PKNOX1: variants seen among roughly 807,000 people sequenced by gnomAD.
The protein encoded by PKNOX1 is PBX/knotted 1 homeobox 1.
A neutral mutation model predicts 51.9 loss-of-function variants in PKNOX1; 15 were observed. The ratio of observed to expected loss-of-function variants is 0.29; its 90% CI spans 0.19 to 0.45. The LOEUF is 0.45. Among genes scored for constraint, PKNOX1 ranks in the 20% least tolerant of loss-of-function variants. PKNOX1 has a pLI of 1.00. For synonymous variants in PKNOX1, 219 were observed against 211.1 expected (o/e 1.04, Z -0.32); for missense variants, 462 against 547.5 (o/e 0.84, Z 1.56).
intron 5 of PKNOX1, among the ~76,000 whole-genome samples, chr21:43,015,306 G>A (rs1979443064): frequency 6.6e-6 from 1 of 152,126 alleles, no homozygotes; most frequent in Admixed American, 6.5e-5. Flanking sequence ...GTTCAATTTT[G>A]TTAAATGCTT....
intron 2 of PKNOX1, among the ~76,000 whole-genome samples, chr21:43,006,646 G>A (rs562898355): frequency 2.6e-5 from 4 of 152,294 alleles, no homozygotes; most frequent in African/African-American, 7.2e-5. Context: ...CGTCCTGTGC[G>A]GGTGGGCGTT....
intron 9 of PKNOX1, among the ~76,000 whole-genome samples, chr21:43,025,954 A>T (rs1979969210): frequency 3.3e-5 from 5 of 152,296 alleles, no homozygotes. Context: ...TATTTGCGTT[A>T]TTTCCTGTTA....
intron 1 of PKNOX1, among the ~76,000 whole-genome samples, chr21:42,978,481 CTTTTCTTTTT>C (rs2059009293): frequency 8.5e-6 from 1 of 118,038 alleles, no homozygotes; most frequent in Non-Finnish European, 1.8e-5. Context: ...TTTTTCTTTT[CTTTTCTTTTT>C]TTTTTTTTTT....
intron 1 of PKNOX1, among the ~76,000 whole-genome samples, chr21:42,987,391 AAAAAAAAAAAAAAAT>A (rs2059057619): frequency 8.7e-6 from 1 of 115,066 alleles, no homozygotes; most frequent in African/African-American, 3.9e-5. Flanking sequence ...TCAAAAAAAA[AAAAAAAAAAAAAAAT>A]ATATATATAT....
At position 43,021,859 on chromosome 21, in the gene PKNOX1, G is replaced by A. The variant is rs566521061; in HGVS notation, c.849+428G>A. ...GTGGGCCACCGGGTGGGTGCCTTTAGCTGGAAGCGAGTTTGTCCCACAGGG... is the reference window on the plus strand; with the variant it reads ...GTGGGCCACCGGGTGGGTGCCTTTAACTGGAAGCGAGTTTGTCCCACAGGG... On this transcript the variant is annotated intron_variant, in intron 8 of 10. Transcript: ENST00000291547. The surrounding 1 kb of genome is among the most constrained non-coding windows in gnomAD (Gnocchi z 4.6). Among the ~76,000 whole-genome samples, 241 of 152,338 alleles carry A rather than the reference G, an allele frequency of 1.6e-3. 1 individual carries two copies. The Middle Eastern group carries it at 0.027, about 17-fold the overall frequency.
chr21:42,986,021 A>ATTTT lies in PKNOX1; in HGVS notation c.-57+11357_-57+11358insTTTT, dbSNP rs1299565128. Among the ~76,000 whole-genome samples, 428 of 136,440 alleles carry ATTTT rather than the reference A, an allele frequency of 3.1e-3. 1 individual carries two copies. Among genetic ancestry groups the ATTTT allele is most frequent in the East Asian group, 0.028 (128 of 4,618 alleles). 89.5% of individuals were successfully genotyped at this position (136,440 alleles called of 152,430 possible). A position where few individuals can be genotyped will look rare whatever the true frequency, so the allele number is the denominator to read the frequency against. ...GTCTCAGAAAAAAAAAAAAAAATTA[A>ATTTT]AAAAAAAATTGCAAAACCATTAAAA... On this transcript the variant is annotated intron_variant, in intron 1 of 10. Transcript: ENST00000291547.
chr21:43,028,755 C>T lies in PKNOX1; in HGVS notation c.980C>T (p.Ser327Leu), dbSNP rs1980090650. The T allele has an allele frequency of 6.2e-7, 1 of 1,614,048 alleles. No homozygotes were observed. The highest frequency in any genetic ancestry group is 1.3e-5 in the African/African-American group (1 of 74,928). The part of the protein sequence containing the change: ...ILQPMLDSSC[S>L]ETPKTKKKTA... ...CAGCCAATGTTGGATTCAAGTTGTT[C>T]AGAGACCCCCAAAACAAAGAAAAAA... Residue 327 changes from serine (S) to leucine (L), a missense_variant, in exon 10 of 11, where the codon TCA becomes TTA. By Grantham distance (145) the Ser-to-Leu change is moderately radical. Transcript: ENST00000291547.
chr21:43,006,278 C>G (rs1256969517), intron 2 of PKNOX1, among the ~76,000 whole-genome samples: 4 of 152,098 alleles, frequency 2.6e-5, no homozygotes, highest in Non-Finnish European at 5.9e-5. Flanking sequence ...TGTGTGCCAC[C>G]ACGCCCAGCT....
chr21:43,027,897 C>T (rs1231710839), intron 9 of PKNOX1, among the ~76,000 whole-genome samples: 1 of 151,618 alleles, frequency 6.6e-6, no homozygotes, highest in Non-Finnish European at 1.5e-5. Context: ...GCCTGTGCGA[C>T]AGGGCGAGAC....
At position 43,033,031 on chromosome 21, in the gene PKNOX1, C is replaced by T. The variant is rs949579968; in HGVS notation, c.*2930C>T. The stretch of plus-strand genomic sequence containing the variant: ...GATCAGATTCGGTTCCAGTTTTATT[C>T]TTGTTGAGTTTTTCCCTATGAAGGC... On this transcript the variant is annotated 3_prime_UTR_variant, in exon 11 of 11. Transcript: ENST00000291547. 1.3e-5 allele frequency: 2 copies of T among 152,082 alleles called. No individual in the cohort carries two copies. Among genetic ancestry groups the T allele is most frequent in the Non-Finnish European group, 2.9e-5 (2 of 68,012 alleles). 9.4% of individuals were successfully genotyped at this position (152,082 alleles called of 1,614,324 possible).
chr21:43,008,486 T>C (rs1230345726), intron 3 of PKNOX1, among the ~76,000 whole-genome samples: 1 of 152,222 alleles, frequency 6.6e-6, no homozygotes, highest in East Asian at 1.9e-4. Flanking sequence ...TTGTTTAGTA[T>C]TTAAAAGTCT....
intron 9 of PKNOX1, 151 bp from the exon 10 acceptor site, chr21:43,028,551 A>C (rs1355983576): frequency 2.9e-6 from 2 of 698,638 alleles, no homozygotes; most frequent in Non-Finnish European, 5.1e-6. Flanking sequence ...AGAGCTGTTG[A>C]GTCCTCTTAA....
intron 1 of PKNOX1, among the ~76,000 whole-genome samples, chr21:42,986,331 T>C (rs1256121682): frequency 1.3e-5 from 2 of 152,030 alleles, no homozygotes; most frequent in African/African-American, 4.8e-5. Flanking sequence ...TGAAACTCCA[T>C]CTCTACTAGA....
rs375781525 is a variant in PKNOX1, at chr21:43,024,151, C to T, written c.850-720C>T. On this transcript the variant is annotated intron_variant, in intron 8 of 10. Transcript: ENST00000291547. ...TTCCTTACTGACAGCACAGGTGAAT[C>T]CAGCAGAGATCTCACCCCAGGAAAG... Among the ~76,000 whole-genome samples, 25 of 152,304 alleles carry T rather than the reference C, an allele frequency of 1.6e-4. No individual in the cohort carries two copies. In the East Asian group the frequency reaches 4.1e-3, roughly 25 times the overall value.
intron 1 of PKNOX1, among the ~76,000 whole-genome samples, chr21:42,987,398 A>ATATATAT (rs1555858083): frequency 6.5e-5 from 6 of 91,834 alleles, no homozygotes; most frequent in African/African-American, 2.5e-4. Context: ...AAAAAAAAAA[A>ATATATAT]AAAAAAATAT....
chr21:42,977,708 C>T (rs527589993), intron 1 of PKNOX1, among the ~76,000 whole-genome samples: 2 of 151,970 alleles, frequency 1.3e-5, no homozygotes, highest in Admixed American at 1.3e-4. Flanking sequence ...CCACCACATA[C>T]AGCTAATTTT....
At chr21:43,000,123 G>T (rs1433859296) in intron 1 of PKNOX1, among the ~76,000 whole-genome samples, 1 of 151,660 alleles carries the variant, frequency 6.6e-6, no homozygotes, top group Non-Finnish European at 1.5e-5. Flanking sequence ...AAGTCTCTAG[G>T]AAGTTCCAAA....
intron 1 of PKNOX1, among the ~76,000 whole-genome samples, chr21:42,998,637 A>G (rs1393020094): frequency 6.6e-6 from 1 of 152,136 alleles, no homozygotes; most frequent in African/African-American, 2.4e-5. Context: ...AATAGGAGAA[A>G]TTGGCCAAAA....
At chr21:42,976,465 ACTT>A (rs781058122) in intron 1 of PKNOX1, among the ~76,000 whole-genome samples, 1 of 152,156 alleles carries the variant, frequency 6.6e-6, no homozygotes, top group Non-Finnish European at 1.5e-5. Flanking sequence ...TTCATGAAAG[ACTT>A]CTTTGTAGCA....
Sources: allele counts gnomAD v4.1 joint callset (sites outside exome capture counted in the v4.1 genomes callset), GRCh38; gene constraint gnomAD v4.1.1; non-coding constraint Gnocchi (gnomAD v3.1); transcripts MANE v1.5; gene names NCBI Gene and HGNC (gene_info 2026-07-23, HGNC 2026-07-21).